SUGCT: variants seen among roughly 807,000 people sequenced by gnomAD.
The protein encoded by SUGCT is succinyl-CoA:glutarate-CoA transferase, also known as succinyl-CoA:glutarate CoA-transferase.
In SUGCT, 41 loss-of-function variants were observed where a neutral mutation model predicts 55.0. That is an observed-to-expected ratio of 0.74 (90% confidence interval 0.58 to 0.97). The LOEUF is 0.97. Among genes scored for constraint, SUGCT ranks in the 50% least tolerant of loss-of-function variants. SUGCT has a pLI of 0.00. For missense variants in SUGCT, 568 were observed against 547.8 expected (o/e 1.04, Z -0.37); for synonymous variants, 187 against 200.4 (o/e 0.93, Z 0.56).
chr7:40,819,440 G>A (rs1324676782), intron 13 of SUGCT, among the ~76,000 whole-genome samples: 5 of 152,076 alleles, frequency 3.3e-5, no homozygotes, highest in Non-Finnish European at 7.4e-5. Context: ...ATTTTTTAAT[G>A]ATCGCCATTC....
chr7:40,967,974 T>G, the SUGCT span: 1 of 152,220 alleles, frequency 6.6e-6, no homozygotes, highest in Non-Finnish European at 1.5e-5. Flanking sequence ...ACGTAATACT[T>G]ATTTCTAACC....
At chr7:40,294,808 A>G (rs1194766912) in intron 8 of SUGCT, among the ~76,000 whole-genome samples, 1 of 152,142 alleles carries the variant, frequency 6.6e-6, no homozygotes, top group Non-Finnish European at 1.5e-5. Flanking sequence ...CAGCCTCCCA[A>G]AGTGCTGGGA....
intron 9 of SUGCT, among the ~76,000 whole-genome samples, chr7:40,423,614 A>G (rs1250509220): frequency 1.3e-5 from 2 of 152,112 alleles, no homozygotes; most frequent in African/African-American, 4.8e-5. Context: ...TGGTCCAGTC[A>G]TTAACCTACT....
chr7:40,268,829 G>T (rs569624662), intron 7 of SUGCT, among the ~76,000 whole-genome samples: 50 of 152,144 alleles, frequency 3.3e-4, no homozygotes, highest in Middle Eastern at 6.8e-3. Flanking sequence ...AGGGGAGATG[G>T]GGTTTCACCA....
the SUGCT span, among the ~76,000 whole-genome samples, chr7:40,872,453 A>G: frequency 6.6e-6 from 1 of 152,184 alleles, no homozygotes; most frequent in African/African-American, 2.4e-5. Flanking sequence ...TGTTCTTCAA[A>G]TTTGCAGTTA....
In SUGCT at chr7:40,640,982, T is replaced by C. The variant is rs114854785; in HGVS notation, c.1090-108452T>C. Among the ~76,000 whole-genome samples, 1,018 of 152,340 alleles carry C rather than the reference T, an allele frequency of 6.7e-3. 10 individuals are homozygous for C. Among genetic ancestry groups the C allele is most frequent in the East Asian group, 0.031 (160 of 5,172 alleles). On this transcript the variant is annotated intron_variant, in intron 12 of 13. Coordinates refer to ENST00000335693, the MANE Select transcript of SUGCT (RefSeq NM_001193313.2). ...ATCAGGACATTTTGGTGTTTTACTA[T>C]TGGAGACTTTTTTGCATCAACAGAT...
chr7:40,829,371 CT>C (rs1792536040), intron 13 of SUGCT, among the ~76,000 whole-genome samples: 2 of 152,172 alleles, frequency 1.3e-5, no homozygotes, highest in Admixed American at 1.3e-4. Context: ...AACTTGCCTT[CT>C]TTCATTGCCA....
chr7:40,873,837 T>A, the SUGCT span, among the ~76,000 whole-genome samples: 1 of 152,222 alleles, frequency 6.6e-6, no homozygotes, highest in Admixed American at 6.5e-5. Flanking sequence ...TGATGCATAA[T>A]AACTCATCCT....
At chr7:40,136,925 G>C (rs1787726448) in intron 1 of SUGCT, among the ~76,000 whole-genome samples, 1 of 151,922 alleles carries the variant, frequency 6.6e-6, no homozygotes. Flanking sequence ...GTCCTAGGAG[G>C]TTGAAGCTGC....
chr7:40,321,078 CTTT>C (rs35504638), intron 9 of SUGCT, among the ~76,000 whole-genome samples: 4 of 138,190 alleles, frequency 2.9e-5, no homozygotes, highest in Non-Finnish European at 4.7e-5. Flanking sequence ...TTCTTTCTTT[CTTT>C]TTTTTTTTTT....
the SUGCT span, among the ~76,000 whole-genome samples, chr7:40,882,971 G>A: frequency 6.6e-6 from 1 of 152,178 alleles, no homozygotes; most frequent in Non-Finnish European, 1.5e-5. Flanking sequence ...TCTAGTATAT[G>A]TGGATCAGCC....
intron 7 of SUGCT, among the ~76,000 whole-genome samples, chr7:40,256,916 GTATT>G (rs1790848578): frequency 6.6e-6 from 1 of 151,706 alleles, no homozygotes; most frequent in Non-Finnish European, 1.5e-5. Context: ...GCTAATTTTC[GTATT>G]TTTAACAGAG....
chr7:40,228,028 A>G (rs948928030), intron 6 of SUGCT, among the ~76,000 whole-genome samples: 2 of 151,904 alleles, frequency 1.3e-5, no homozygotes, highest in Non-Finnish European at 2.9e-5. Context: ...GATTACAGGC[A>G]TGCGCTACCA....
At chr7:40,909,605 C>T in the SUGCT span, among the ~76,000 whole-genome samples, 1 of 152,192 alleles carries the variant, frequency 6.6e-6, no homozygotes, top group Non-Finnish European at 1.5e-5. Context: ...TTCTCCTTCA[C>T]TAACGACGGC....
At position 40,629,694 on chromosome 7, in the gene SUGCT, A is replaced by T. The variant is rs963932905; in HGVS notation, c.1090-119740A>T. Reference sequence around the variant, plus strand: ...TTGTTCAGAATTAGTGATGAGAGTTAATGACTGCCTCCTCTGTCAGGTTTA... The same window carrying T: ...TTGTTCAGAATTAGTGATGAGAGTTTATGACTGCCTCCTCTGTCAGGTTTA... On this transcript the variant is annotated intron_variant, in intron 12 of 13. Coordinates refer to ENST00000335693, the MANE Select transcript of SUGCT (RefSeq NM_001193313.2). Among the ~76,000 whole-genome samples the T allele has an allele frequency of 2.6e-5, 4 of 152,214 alleles. No individual in the cohort carries two copies. In the South Asian group the frequency reaches 8.3e-4, roughly 32 times the overall value.
At chr7:40,904,689 T>C in the SUGCT span, among the ~76,000 whole-genome samples, 3 of 152,218 alleles carry the variant, frequency 2.0e-5, no homozygotes, top group African/African-American at 7.2e-5. Context: ...ATGATACATG[T>C]TAAGTATATT....
chr7:40,696,030 A>T (rs996921419), intron 12 of SUGCT, among the ~76,000 whole-genome samples: 1 of 152,214 alleles, frequency 6.6e-6, no homozygotes, highest in African/African-American at 2.4e-5. Flanking sequence ...TTACTACTGT[A>T]TACCACCAAC....
chr7:40,876,837 G>A, the SUGCT span, among the ~76,000 whole-genome samples: 1 of 152,178 alleles, frequency 6.6e-6, no homozygotes, highest in African/African-American at 2.4e-5. Context: ...GGTTCCTGCT[G>A]TGAACAGACA....
At chr7:40,657,712 T>G (rs889933972) in intron 12 of SUGCT, among the ~76,000 whole-genome samples, 6 of 152,226 alleles carry the variant, frequency 3.9e-5, no homozygotes, top group Non-Finnish European at 8.8e-5. Context: ...TTTTTTGTAT[T>G]TTTAGTGGAG....
Sources: allele counts gnomAD v4.1 joint callset (sites outside exome capture counted in the v4.1 genomes callset), GRCh38; gene constraint gnomAD v4.1.1; transcripts MANE v1.5; gene names NCBI Gene and HGNC (gene_info 2026-07-23, HGNC 2026-07-21).